CDC73: variants seen among roughly 807,000 people sequenced by gnomAD.
The protein encoded by CDC73 is parafibromin.
Under a neutral mutation model 83.7 loss-of-function variants are expected in CDC73, and 21 were observed. The ratio of observed to expected loss-of-function variants is 0.25; its 90% CI spans 0.18 to 0.36. The LOEUF (loss-of-function observed/expected upper bound fraction) is 0.36, where lower values mean the gene tolerates loss of function less well. Among genes scored for constraint, CDC73 ranks in the 10% least tolerant of loss-of-function variants. The pLI, the probability that CDC73 is intolerant of heterozygous loss-of-function variation, is 1.00. For synonymous variants in CDC73, 224 were observed against 212.9 expected (o/e 1.05, Z -0.45); for missense variants, 342 against 653.3 (o/e 0.52, Z 5.19).
In CDC73 at chr1:193,164,108, T is replaced by C. The variant is rs569169804; in HGVS notation, c.972+11664T>C. Among the ~76,000 whole-genome samples the C allele has an allele frequency of 7.0e-4, 107 of 152,340 alleles. 2 individuals carry two copies. The highest frequency in any genetic ancestry group is 6.6e-4 in the Non-Finnish European group (45 of 68,028). ...TTTTACAAAACTATGCTTCATTGTG[T>C]CATACTGGCAGTATTACATTTACAT... On this transcript the variant is annotated intron_variant, in intron 10 of 16. Transcript: ENST00000367435.
At chr1:193,155,208 G>A (rs1254023817) in intron 10 of CDC73, among the ~76,000 whole-genome samples, 2 of 152,172 alleles carry the variant, frequency 1.3e-5, no homozygotes, top group East Asian at 3.8e-4. Flanking sequence ...GTTAGTGAAA[G>A]TTTTTATAGA....
intron 14 of CDC73, among the ~76,000 whole-genome samples, chr1:193,234,830 C>G (rs1315436641): frequency 6.6e-6 from 1 of 152,066 alleles, no homozygotes; most frequent in Non-Finnish European, 1.5e-5. Context: ...ATGATTTTGA[C>G]AGTTTGAGGC....
rs189909733 is a variant in CDC73 at position 193,139,221 on chromosome 1, A to G, written c.512+1048A>G. Among the ~76,000 whole-genome samples the G allele has an allele frequency of 2.8e-3, 422 of 150,968 alleles. 2 individuals are homozygous for G. The highest frequency in any genetic ancestry group is 3.1e-3 in the Non-Finnish European group (209 of 67,758). On this transcript the variant is annotated intron_variant, in intron 6 of 16. Coordinates refer to ENST00000367435, the MANE Select transcript of CDC73 (RefSeq NM_024529.5). ...TACTTAATTTTTTTTATGTAATTCCATGCATGTTTAGTCTCCAGCATTGTA... is the reference window on the plus strand; with the variant it reads ...TACTTAATTTTTTTTATGTAATTCCGTGCATGTTTAGTCTCCAGCATTGTA...
chr1:193,236,962 T>TTTTTTTTTTTTTTG (rs1377068359), intron 15 of CDC73: 1 of 150,930 alleles, frequency 6.6e-6, no homozygotes, highest in African/African-American at 2.4e-5. Flanking sequence ...TTTTTTTTTT[T>TTTTTTTTTTTTTTG]AGACGGAGTC....
At position 193,250,780 on chromosome 1, in the gene CDC73, TGAA is replaced by T. The variant is rs1054186955; in HGVS notation, c.*73_*75del. On this transcript the variant is annotated 3_prime_UTR_variant, in exon 17 of 17. Coordinates refer to ENST00000367435, the MANE Select transcript of CDC73 (RefSeq NM_024529.5). ...TATGAATTTATCAAGAACTTAAAAA[TGAA>T]GAAGGTCACAGATTGATCTTTTATA... The T allele has an allele frequency of 6.8e-6, 9 of 1,323,350 alleles. No homozygotes were observed. Among genetic ancestry groups the T allele is most frequent in the South Asian group, 1.2e-5 (1 of 84,552 alleles). 82.0% of individuals were successfully genotyped at this position (1,323,350 alleles called of 1,614,324 possible).
chr1:193,205,208 C>CCCCCCCT (rs145197340), intron 11 of CDC73, among the ~76,000 whole-genome samples: 1 of 82,492 alleles, frequency 1.2e-5, no homozygotes, highest in Non-Finnish European at 2.1e-5. Context: ...CCCCCCCCCC[C>CCCCCCCT]TTTTTTTTTA....
At chr1:193,248,808 T>A (rs1677995820) in intron 15 of CDC73, among the ~76,000 whole-genome samples, 1 of 152,080 alleles carries the variant, frequency 6.6e-6, no homozygotes, top group Admixed American at 6.6e-5. Context: ...TGCTGCACAC[T>A]CATGCTGGAA....
chr1:193,152,388 G>A lies in CDC73; in HGVS notation c.916G>A (p.Gly306Ser). The change falls in exon 10 of 17, where the codon GGC (glycine) becomes AGC (serine). Residue 306 changes from glycine (G) to serine (S), a missense_variant. Physicochemically the swap from Gly to Ser is moderately conservative, Grantham distance 56. Around this residue, in one of 3 missense-constraint regions of CDC73, gnomAD observed 239 missense variants for 420.6 expected, o/e 0.57. Coordinates refer to ENST00000367435, the MANE Select transcript of CDC73 (RefSeq NM_024529.5). ...CCTCTTTTTTTTCGTAGAAACGGAAGGCTTCAAAATTGACACTATGGGAAC... is the reference window on the plus strand; with the variant it reads ...CCTCTTTTTTTTCGTAGAAACGGAAAGCTTCAAAATTGACACTATGGGAAC... ...ERFKGKEETE[G>S]FKIDTMGTYH... The A allele has an allele frequency of 6.2e-7, 1 of 1,608,494 alleles. No homozygotes were observed. Among genetic ancestry groups the A allele is most frequent in the Non-Finnish European group, 8.5e-7 (1 of 1,175,288 alleles).
Position 193,225,981 on chromosome 1 carries a change from A to C in CDC73, c.1155-7012A>C, listed in dbSNP as rs114049713. On this transcript the variant is annotated intron_variant, in intron 13 of 16. Transcript: ENST00000367435. The stretch of plus-strand genomic sequence containing the variant: ...TTCGTGGTCATGAAATCCTTGCCTA[A>C]GCCGGTGTCTAGAAGGGTTTTTCCT... Among the ~76,000 whole-genome samples, 527 of 152,184 alleles carry C rather than the reference A, an allele frequency of 3.5e-3. 1 individual carries two copies. Among genetic ancestry groups the C allele is most frequent in the Non-Finnish European group, 6.4e-3 (434 of 67,992 alleles).
intron 10 of CDC73, among the ~76,000 whole-genome samples, chr1:193,176,230 G>C (rs970093757): frequency 8.5e-5 from 13 of 152,164 alleles, no homozygotes; most frequent in Admixed American, 5.9e-4. Context: ...TCATGGTGGT[G>C]TGACCCTAGG....
chr1:193,247,892 T>C (rs1040061065), intron 15 of CDC73, among the ~76,000 whole-genome samples: 1 of 152,128 alleles, frequency 6.6e-6, no homozygotes, highest in Non-Finnish European at 1.5e-5. Context: ...GTAAGCCATC[T>C]CTATAAAATA....
intron 10 of CDC73, among the ~76,000 whole-genome samples, chr1:193,153,932 A>T (rs900351700): frequency 3.9e-5 from 6 of 152,176 alleles, no homozygotes; most frequent in Admixed American, 6.5e-5. Flanking sequence ...ATCAAGACTG[A>T]GGTCCAGTAG....
At chr1:193,217,059 A>C (rs1229264752) in intron 13 of CDC73, among the ~76,000 whole-genome samples, 1 of 152,060 alleles carries the variant, frequency 6.6e-6, no homozygotes, top group Non-Finnish European at 1.5e-5. Context: ...CACCACCCCT[A>C]TTCAACGTAG....
intron 10 of CDC73, among the ~76,000 whole-genome samples, chr1:193,164,465 TATTA>T (rs1198421586): frequency 2.0e-5 from 3 of 152,218 alleles, no homozygotes; most frequent in Non-Finnish European, 4.4e-5. Flanking sequence ...AATGCTGATT[TATTA>T]ATTTGCAGTG....
At chr1:193,233,547 G>C (rs1177328126) in intron 14 of CDC73, among the ~76,000 whole-genome samples, 2 of 152,034 alleles carry the variant, frequency 1.3e-5, no homozygotes, top group Admixed American at 6.5e-5. Context: ...TTTATATTTT[G>C]GATAAGTAAA....
intron 3 of CDC73, among the ~76,000 whole-genome samples, chr1:193,130,964 G>T (rs1438926158): frequency 6.6e-6 from 1 of 152,050 alleles, no homozygotes; most frequent in Non-Finnish European, 1.5e-5. Flanking sequence ...AATTCTTGAA[G>T]TTTCCAAGAC....
At chr1:193,138,425 T>G (rs551805900) in intron 6 of CDC73, among the ~76,000 whole-genome samples, 1 of 152,342 alleles carries the variant, frequency 6.6e-6, no homozygotes, top group South Asian at 2.1e-4. Flanking sequence ...GCTGAGAAAT[T>G]CATTTTATGT....
At chr1:193,226,369 AAG>A (rs1371529371) in intron 13 of CDC73, among the ~76,000 whole-genome samples, 1 of 151,998 alleles carries the variant, frequency 6.6e-6, no homozygotes, top group African/African-American at 2.4e-5. Context: ...GAATGAAATG[AAG>A]AGAGTGGATA....
chr1:193,139,084 A>G (rs1272203166), intron 6 of CDC73, among the ~76,000 whole-genome samples: 2 of 151,470 alleles, frequency 1.3e-5, no homozygotes, highest in Non-Finnish European at 2.9e-5. Context: ...GAACTTTAGT[A>G]TTTTTTTCTT....
Sources: gnomAD v4.1 joint callset for allele counts (sites outside exome capture counted in the v4.1 genomes callset) on GRCh38, gnomAD v4.1.1 for gene constraint, gnomAD v4.1.1 regional missense constraint, MANE v1.5 for transcripts, NCBI Gene and HGNC (gene_info 2026-07-23, HGNC 2026-07-21) for gene names.